Variants in CTNNA3 observed in about 807,000 individuals in gnomAD.
CTNNA3 encodes the protein catenin alpha-3.
CTNNA3 carries 76 observed loss-of-function variants against 95.7 expected under a neutral mutation model. The observed-to-expected ratio is 0.79, with a 90% CI of 0.66 to 0.96. The LOEUF (loss-of-function observed/expected upper bound fraction) is 0.96. CTNNA3 is among the 40% of genes least tolerant of loss of function. CTNNA3 has a pLI of 0.00. For synonymous variants in CTNNA3, 431 were observed against 374.4 expected, an observed-to-expected ratio of 1.15 and a Z score of -1.74; for missense variants, 1,191 against 1,089.8, an observed-to-expected ratio of 1.09 and a Z score of -1.31.
chr10:66,691,966 C>G lies in CTNNA3; in HGVS notation c.1282-70182G>C, dbSNP rs565343012. On this transcript the variant is annotated intron_variant, in intron 9 of 17. Transcript: ENST00000433211. ...CCACACCAAAAACCCATCTGTACATCGCCATCATCAAAGACCAAAAGTAGA... is the reference window on the plus strand; with the variant it reads ...CCACACCAAAAACCCATCTGTACATGGCCATCATCAAAGACCAAAAGTAGA... Among the ~76,000 whole-genome samples, 613 of 152,180 alleles carry G rather than the reference C, an allele frequency of 4.0e-3. 2 individuals are homozygous for G. The highest frequency in any genetic ancestry group is 7.0e-3 in the Non-Finnish European group (473 of 68,000).
rs567113166 is a variant in CTNNA3 at position 66,503,294 on chromosome 10, C to T, written c.1531+17323G>A. On this transcript the variant is annotated intron_variant, in intron 11 of 17. Coordinates refer to ENST00000433211, the MANE Select transcript of CTNNA3 (RefSeq NM_013266.4). ...TCTATCTTTAAAACAGTCCTATCACCTAGTAGGTGCTCACCAAATATTTGT... is the reference window on the plus strand; with the variant it reads ...TCTATCTTTAAAACAGTCCTATCACTTAGTAGGTGCTCACCAAATATTTGT... 3.5e-4 allele frequency among the ~76,000 whole-genome samples: 54 copies of T among 152,196 alleles called. No homozygotes were observed. The South Asian group carries it at 0.011, about 31-fold the overall frequency.
intron 7 of CTNNA3, among the ~76,000 whole-genome samples, chr10:67,022,031 A>G (rs1176256060): frequency 6.6e-6 from 1 of 152,202 alleles, no homozygotes; most frequent in East Asian, 1.9e-4. Flanking sequence ...TTTCCTACGC[A>G]TTTGGAAGTA....
chr10:66,890,167 A>G (rs923007481), intron 7 of CTNNA3, among the ~76,000 whole-genome samples: 1 of 152,166 alleles, frequency 6.6e-6, no homozygotes, highest in African/African-American at 2.4e-5. Flanking sequence ...CAACCTTTAG[A>G]CATCTCAGTG....
intron 11 of CTNNA3, among the ~76,000 whole-genome samples, chr10:66,449,323 G>A (rs896608236): frequency 1.3e-5 from 2 of 152,040 alleles, no homozygotes; most frequent in Non-Finnish European, 2.9e-5. Context: ...AATCTGTAAT[G>A]TATGTAGATG....
At chr10:66,051,626 A>T (rs973673205) in intron 15 of CTNNA3, among the ~76,000 whole-genome samples, 3 of 152,232 alleles carry the variant, frequency 2.0e-5, no homozygotes, top group African/African-American at 7.2e-5. Flanking sequence ...TGAATTCTCT[A>T]CAAGTGAGGA....
chr10:67,630,282 T>A (rs1383085510), intron 2 of CTNNA3, among the ~76,000 whole-genome samples: 3 of 152,226 alleles, frequency 2.0e-5, no homozygotes, highest in African/African-American at 7.2e-5. Context: ...TTTGACCACA[T>A]AACTTGCTTT....
At chr10:66,200,133 A>T (rs2087299964) in intron 13 of CTNNA3, among the ~76,000 whole-genome samples, 1 of 147,636 alleles carries the variant, frequency 6.8e-6, no homozygotes, top group South Asian at 2.2e-4. Context: ...ACACACACAC[A>T]CTCATATATT....
At chr10:67,256,587 A>C (rs1159470605) in intron 5 of CTNNA3, among the ~76,000 whole-genome samples, 1 of 152,178 alleles carries the variant, frequency 6.6e-6, no homozygotes, top group Admixed American at 6.5e-5. Flanking sequence ...AAGTCTCTTT[A>C]TCCTTACATT....
chr10:67,616,371 G>A (rs1450700902), intron 2 of CTNNA3, among the ~76,000 whole-genome samples: 1 of 152,198 alleles, frequency 6.6e-6, no homozygotes, highest in African/African-American at 2.4e-5. Flanking sequence ...AAACAGACTA[G>A]AGACAGCTCT....
chr10:66,364,157 T>C (rs2092695534), intron 12 of CTNNA3, among the ~76,000 whole-genome samples: 1 of 150,906 alleles, frequency 6.6e-6, no homozygotes, highest in Admixed American at 6.6e-5. Flanking sequence ...TGACAAATTG[T>C]TCTTGTTATA....
At chr10:65,999,013 T>C (rs1215026311) in intron 15 of CTNNA3, among the ~76,000 whole-genome samples, 2 of 152,116 alleles carry the variant, frequency 1.3e-5, no homozygotes, top group Admixed American at 6.6e-5. Flanking sequence ...CTAACAACAA[T>C]GAAAACCTGG....
At chr10:67,178,405 G>C (rs1470826998) in intron 7 of CTNNA3, among the ~76,000 whole-genome samples, 1 of 151,548 alleles carries the variant, frequency 6.6e-6, no homozygotes, top group Non-Finnish European at 1.5e-5. Context: ...TCTTTATATA[G>C]TCACTTTATA....
intron 5 of CTNNA3, among the ~76,000 whole-genome samples, chr10:67,371,162 G>A (rs568963124): frequency 1.7e-4 from 26 of 151,808 alleles, no homozygotes; most frequent in South Asian, 8.3e-4. Context: ...CACCGCGCCC[G>A]GCCAAGAGGA....
intron 7 of CTNNA3, among the ~76,000 whole-genome samples, chr10:66,776,149 T>C (rs1456619720): frequency 6.6e-6 from 1 of 152,216 alleles, no homozygotes; most frequent in Non-Finnish European, 1.5e-5. Flanking sequence ...TTAACCTAAA[T>C]CTTTAGGCTA....
intron 15 of CTNNA3, among the ~76,000 whole-genome samples, chr10:66,010,849 C>T (rs2078992386): frequency 6.6e-6 from 1 of 152,142 alleles, no homozygotes. Flanking sequence ...CATTGCAAGG[C>T]CACCACTACC....
intron 5 of CTNNA3, among the ~76,000 whole-genome samples, chr10:67,227,999 A>C (rs866935085): frequency 2.0e-5 from 3 of 152,182 alleles, no homozygotes; most frequent in Non-Finnish European, 4.4e-5. Context: ...TTCGAACTGA[A>C]CAAAAACCTC....
At chr10:66,570,747 T>A (rs901057145) in intron 10 of CTNNA3, among the ~76,000 whole-genome samples, 6 of 152,068 alleles carry the variant, frequency 3.9e-5, no homozygotes, top group African/African-American at 1.4e-4. Flanking sequence ...CAAAATTTTA[T>A]ATTATCTAAT....
chr10:67,573,734 T>A (rs534028830), intron 3 of CTNNA3, among the ~76,000 whole-genome samples: 7 of 146,772 alleles, frequency 4.8e-5, no homozygotes, highest in Admixed American at 4.8e-4. Flanking sequence ...TCCTCCCTCC[T>A]TCCCTCTCTC....
intron 2 of CTNNA3, among the ~76,000 whole-genome samples, chr10:67,615,438 C>T (rs1211142825): frequency 6.6e-6 from 1 of 152,202 alleles, no homozygotes; most frequent in Non-Finnish European, 1.5e-5. Context: ...GAAAAGACCA[C>T]ATGCTGAGAA....
Sources: allele counts gnomAD v4.1 joint callset (sites outside exome capture counted in the v4.1 genomes callset), GRCh38; gene constraint gnomAD v4.1.1; transcripts MANE v1.5; gene names NCBI Gene and HGNC (gene_info 2026-07-23, HGNC 2026-07-21).